Variants in ALPK2 observed in about 807,000 individuals in gnomAD.
ALPK2 encodes alpha-protein kinase 2.
ALPK2 carries 127 observed loss-of-function variants against 163.1 expected under a neutral mutation model. That is an observed-to-expected ratio of 0.78 (90% CI 0.67 to 0.90). The LOEUF (loss-of-function observed/expected upper bound fraction) is 0.90. Ranked by LOEUF, ALPK2 falls within the 40% of genes least tolerant of loss-of-function variation. ALPK2 has a pLI of 0.00. For synonymous variants in ALPK2, 953 were observed against 959.1 expected (o/e 0.99, Z 0.12); for missense variants, 2,360 against 2,589.6 (o/e 0.91, Z 1.92).
At chr18:58,566,666 G>A (rs2051854881) in intron 4 of ALPK2, 1 of 152,134 alleles carries the variant, frequency 6.6e-6, no homozygotes, top group African/African-American at 2.4e-5. Flanking sequence ...ATAAAACACA[G>A]CTGTAAAATG....
intron 2 of ALPK2, among the ~76,000 whole-genome samples, chr18:58,610,674 G>A (rs1021390807): frequency 3.9e-5 from 6 of 152,188 alleles, no homozygotes; most frequent in Non-Finnish European, 5.9e-5. Flanking sequence ...AGGCGCGGTG[G>A]CTCACGCCTG....
At chr18:58,626,302 T>G (rs941146712) in intron 1 of ALPK2, among the ~76,000 whole-genome samples, 2 of 152,162 alleles carry the variant, frequency 1.3e-5, no homozygotes, top group Non-Finnish European at 2.9e-5. Flanking sequence ...CTATTCATTG[T>G]GTACTTTTAT....
chr18:58,497,894 A>G (rs1210542025), intron 12 of ALPK2, among the ~76,000 whole-genome samples, 155 bp downstream of exon 12: 1 of 152,234 alleles, frequency 6.6e-6, no homozygotes, highest in Non-Finnish European at 1.5e-5. Context: ...TAAATATTTT[A>G]TGTAAGTGAG....
chr18:58,626,893 AAAGAC>A (rs2052233527), intron 1 of ALPK2, among the ~76,000 whole-genome samples: 1 of 152,042 alleles, frequency 6.6e-6, no homozygotes, highest in Non-Finnish European at 1.5e-5. Context: ...CAAAAAAAAA[AAAGAC>A]AGAAGCTTTT....
At chr18:58,482,063 C>T (rs2051314600) in intron 12 of ALPK2, 24 bp from the exon 13 acceptor site, 8 of 1,576,020 alleles carry the variant, frequency 5.1e-6, no homozygotes, top group Non-Finnish European at 6.1e-6. Flanking sequence ...TGGAAGGAAA[C>T]ATAGCTTTTA....
chr18:58,587,701 C>T (rs923293956), intron 3 of ALPK2, among the ~76,000 whole-genome samples: 2 of 151,902 alleles, frequency 1.3e-5, no homozygotes, highest in East Asian at 1.9e-4. Context: ...ATTTTAGGAA[C>T]ACAAAGAGAA....
intron 3 of ALPK2, among the ~76,000 whole-genome samples, chr18:58,606,850 A>G (rs1201561002): frequency 6.6e-6 from 1 of 152,188 alleles, no homozygotes; most frequent in African/African-American, 2.4e-5. Context: ...ATTCGAAATC[A>G]CTGTACAGGA....
intron 3 of ALPK2, among the ~76,000 whole-genome samples, chr18:58,591,568 G>A (rs1449775330): frequency 6.6e-6 from 1 of 152,078 alleles, no homozygotes; most frequent in Non-Finnish European, 1.5e-5. Context: ...GGTTTCCTGG[G>A]GAGCTCAACA....
intron 3 of ALPK2, among the ~76,000 whole-genome samples, chr18:58,602,972 C>T (rs1386070452): frequency 9.9e-5 from 15 of 152,156 alleles, no homozygotes; most frequent in Non-Finnish European, 4.4e-5. Context: ...TAGAAGTTAC[C>T]CTATATAATC....
intron 4 of ALPK2, among the ~76,000 whole-genome samples, chr18:58,551,571 A>G (rs1450220905): frequency 6.6e-6 from 1 of 152,226 alleles, no homozygotes; most frequent in African/African-American, 2.4e-5. Flanking sequence ...AAAGCAATCC[A>G]TTCTTTTTCC....
chr18:58,566,789 A>C (rs1306125795), intron 4 of ALPK2: 1 of 152,204 alleles, frequency 6.6e-6, no homozygotes, highest in Non-Finnish European at 1.5e-5. Context: ...GCAGAAGAAA[A>C]TTCCAGTCAC....
intron 12 of ALPK2, among the ~76,000 whole-genome samples, chr18:58,486,892 CA>C (rs2051341586): frequency 6.6e-6 from 1 of 152,188 alleles, no homozygotes; most frequent in Admixed American, 6.5e-5. Context: ...GACATGAATT[CA>C]ATAACATCAA....
At chr18:58,591,055 A>C (rs905626883) in intron 3 of ALPK2, among the ~76,000 whole-genome samples, 3 of 152,214 alleles carry the variant, frequency 2.0e-5, no homozygotes, top group African/African-American at 7.2e-5. Context: ...CCCATGGGAC[A>C]GCCTACCAGA....
intron 11 of ALPK2, among the ~76,000 whole-genome samples, chr18:58,501,028 CT>C (rs1416015823): frequency 2.0e-5 from 3 of 152,170 alleles, no homozygotes; most frequent in African/African-American, 7.2e-5. Flanking sequence ...ATTCCAGTGT[CT>C]CTGTAAAATT....
At position 58,580,028 on chromosome 18, in the gene ALPK2, C is replaced by T; in HGVS notation, c.748G>A (p.Asp250Asn). 6.2e-7 allele frequency: 1 copy of T among 1,614,254 alleles called. No homozygotes were observed. Among genetic ancestry groups the T allele is most frequent in the Non-Finnish European group, 8.5e-7 (1 of 1,180,042 alleles). ...SKFTDGDLNN[D>N]GPHDEGLRSS... ...CGTAAGCCTTCATCATGAGGACCAT[C>T]ATTGTTCAGGTCACCATCCGTGAAC... The change falls in exon 4 of 13, where the codon GAT becomes AAT. Residue 250 changes from aspartate to asparagine, a missense_variant. Transcript: ENST00000361673.
intron 1 of ALPK2, among the ~76,000 whole-genome samples, chr18:58,620,023 G>T (rs1216522806): frequency 1.3e-5 from 2 of 152,322 alleles, no homozygotes; most frequent in East Asian, 3.9e-4. Context: ...GGGCGCGGTG[G>T]CTCACGCCTG....
At chr18:58,574,593 G>A (rs1472012654) in intron 4 of ALPK2, among the ~76,000 whole-genome samples, 1 of 152,086 alleles carries the variant, frequency 6.6e-6, no homozygotes, top group Non-Finnish European at 1.5e-5. Context: ...GTTGTGAATG[G>A]TGCATACAAG....
chr18:58,554,063 G>A (rs905799616), intron 4 of ALPK2, among the ~76,000 whole-genome samples: 6 of 151,994 alleles, frequency 3.9e-5, no homozygotes, highest in African/African-American at 1.4e-4. Flanking sequence ...ATTTCCCCAT[G>A]TTGGCCAGGC....
chr18:58,482,811 C>T (rs562899745), intron 12 of ALPK2, among the ~76,000 whole-genome samples: 1 of 152,278 alleles, frequency 6.6e-6, no homozygotes, highest in African/African-American at 2.4e-5. Flanking sequence ...TTAGTGTGCT[C>T]CTTGAATGGA....
Sources: allele counts gnomAD v4.1 joint callset (sites outside exome capture counted in the v4.1 genomes callset), GRCh38; gene constraint gnomAD v4.1.1; transcripts MANE v1.5; gene names NCBI Gene and HGNC (gene_info 2026-07-23, HGNC 2026-07-21).